Variants in PARD3B observed in about 807,000 individuals in gnomAD.
PARD3B encodes partitioning defective 3 homolog B.
In PARD3B, 103 loss-of-function variants were observed where a neutral mutation model predicts 130.2. The observed-to-expected ratio is 0.79, with a 90% CI of 0.67 to 0.93. The LOEUF (loss-of-function observed/expected upper bound fraction) is 0.93. PARD3B is among the 40% of genes least tolerant of loss of function. PARD3B has a pLI of 0.00. For synonymous variants in PARD3B, 583 were observed against 553.2 expected (o/e 1.05, Z -0.76); for missense variants, 1,609 against 1,499.2 (o/e 1.07, Z -1.21).
intron 2 of PARD3B, among the ~76,000 whole-genome samples, chr2:204,853,692 C>T (rs2044802475): frequency 6.6e-6 from 1 of 152,152 alleles, no homozygotes; most frequent in African/African-American, 2.4e-5. Context: ...TTTTTCCCCA[C>T]AGATATTAAC....
intron 4 of PARD3B, among the ~76,000 whole-genome samples, chr2:205,053,528 C>T (rs1699379980): frequency 6.6e-6 from 1 of 151,438 alleles, no homozygotes; most frequent in South Asian, 2.1e-4. Context: ...TAATCCCAAG[C>T]ACTTGAGAGG....
chr2:205,491,839 G>A lies in PARD3B; in HGVS notation c.3045-8057G>A, dbSNP rs112969686. Reference sequence around the variant, plus strand: ...TCAGGTTGCCATGGTGAGGTCGGGAGCCCAGATAAGCCAAGCCAAGTTGTC... The same window carrying A: ...TCAGGTTGCCATGGTGAGGTCGGGAACCCAGATAAGCCAAGCCAAGTTGTC... On this transcript the variant is annotated intron_variant, in intron 20 of 22. Coordinates refer to ENST00000406610, the MANE Select transcript of PARD3B (RefSeq NM_001302769.2). Among the ~76,000 whole-genome samples, 130 of 152,296 alleles carry A rather than the reference G, an allele frequency of 8.5e-4. 1 individual carries two copies. The highest frequency in any genetic ancestry group is 3.4e-3 in the Middle Eastern group (1 of 294).
intron 1 of PARD3B, among the ~76,000 whole-genome samples, chr2:204,593,505 C>T (rs902901661): frequency 1.3e-5 from 2 of 152,112 alleles, no homozygotes; most frequent in Admixed American, 6.6e-5. Flanking sequence ...GGCAAATTTT[C>T]GAATAGTTTG....
intron 3 of PARD3B, among the ~76,000 whole-genome samples, chr2:204,966,125 A>G (rs1026687185): frequency 1.3e-5 from 2 of 152,198 alleles, no homozygotes; most frequent in Non-Finnish European, 2.9e-5. Context: ...TCAGCTTCTT[A>G]TTCTTTTTAA....
Position 205,598,883 on chromosome 2 carries a change from AT to A in PARD3B, c.3261-16571del, listed in dbSNP as rs1370213237. Among the ~76,000 whole-genome samples, 9 of 152,328 alleles carry A rather than the reference AT, an allele frequency of 5.9e-5. No homozygotes were observed. In the South Asian group the frequency reaches 1.9e-3, roughly 32 times the overall value. ...GAATGACTTTTAGGTAAAGAATGAA[AT>A]TAAGGCAGAAATCAAAAAATTCTTT... On this transcript the variant is annotated intron_variant, in intron 22 of 22. Transcript: ENST00000406610.
chr2:205,402,356 T>G (rs569501373), intron 19 of PARD3B, among the ~76,000 whole-genome samples: 1 of 152,310 alleles, frequency 6.6e-6, no homozygotes, highest in Admixed American at 6.5e-5. Flanking sequence ...GGCTGAGATT[T>G]TAATGCATAT....
intron 19 of PARD3B, among the ~76,000 whole-genome samples, chr2:205,431,547 G>A (rs918916415): frequency 4.6e-5 from 7 of 151,384 alleles, no homozygotes; most frequent in African/African-American, 1.2e-4. Flanking sequence ...TCTGCTCACC[G>A]CAAGCTCTGC....
At chr2:204,810,421 C>A (rs1306342050) in intron 2 of PARD3B, among the ~76,000 whole-genome samples, 3 of 152,104 alleles carry the variant, frequency 2.0e-5, no homozygotes, top group Non-Finnish European at 4.4e-5. Flanking sequence ...TATGTCCCTA[C>A]AATACCTAGT....
chr2:205,396,949 C>A (rs559546172), intron 18 of PARD3B, among the ~76,000 whole-genome samples: 1 of 152,220 alleles, frequency 6.6e-6, no homozygotes, highest in South Asian at 2.1e-4. Context: ...GAAATGATCC[C>A]CACAAAGGCT....
At chr2:204,752,771 T>A (rs2040515524) in intron 2 of PARD3B, among the ~76,000 whole-genome samples, 1 of 152,170 alleles carries the variant, frequency 6.6e-6, no homozygotes, top group African/African-American at 2.4e-5. Context: ...TCCCATTCCC[T>A]GTTAACATCT....
chr2:205,154,221 C>A (rs2033958950), intron 10 of PARD3B, among the ~76,000 whole-genome samples: 1 of 152,162 alleles, frequency 6.6e-6, no homozygotes, highest in African/African-American at 2.4e-5. Context: ...GCAACCCCAT[C>A]CAAAAGTGGG....
intron 2 of PARD3B, among the ~76,000 whole-genome samples, chr2:204,844,747 T>C (rs2044395968): frequency 6.6e-6 from 1 of 152,162 alleles, no homozygotes; most frequent in Non-Finnish European, 1.5e-5. Flanking sequence ...CATTAAATTA[T>C]TTGTGAGATA....
intron 7 of PARD3B, 86 bp downstream of exon 7, chr2:205,119,132 A>C: frequency 6.9e-7 from 1 of 1,444,756 alleles, no homozygotes; most frequent in Non-Finnish European, 9.2e-7. Context: ...TCAAAATAGT[A>C]GGTAGAATTT....
At chr2:204,562,372 A>G (rs938283190) in intron 1 of PARD3B, among the ~76,000 whole-genome samples, 10 of 152,214 alleles carry the variant, frequency 6.6e-5, no homozygotes, top group Non-Finnish European at 1.3e-4. Flanking sequence ...AGCTTCTAAA[A>G]TGAACTTAAA....
chr2:205,332,029 C>T (rs555110295), intron 18 of PARD3B, among the ~76,000 whole-genome samples: 13 of 151,930 alleles, frequency 8.6e-5, no homozygotes, highest in African/African-American at 2.7e-4. Context: ...CGCGTGAACC[C>T]GGGAGGTGGA....
intron 20 of PARD3B, among the ~76,000 whole-genome samples, chr2:205,488,980 C>G (rs1228454634): frequency 6.6e-6 from 1 of 152,132 alleles, no homozygotes; most frequent in Non-Finnish European, 1.5e-5. Flanking sequence ...CATTTTTTAA[C>G]AGAAGACACA....
At chr2:205,056,181 T>C (rs1013111134) in intron 4 of PARD3B, among the ~76,000 whole-genome samples, 4 of 151,810 alleles carry the variant, frequency 2.6e-5, no homozygotes, top group Non-Finnish European at 5.9e-5. Context: ...ATGGTGTGAT[T>C]CATAGAACTC....
chr2:205,133,405 G>A (rs1025257846), intron 10 of PARD3B, among the ~76,000 whole-genome samples: 2 of 152,190 alleles, frequency 1.3e-5, no homozygotes, highest in African/African-American at 4.8e-5. Flanking sequence ...GATTTGGTAA[G>A]CATGCAGATT....
intron 19 of PARD3B, among the ~76,000 whole-genome samples, chr2:205,437,838 G>T (rs2047570640): frequency 6.6e-6 from 1 of 152,078 alleles, no homozygotes. Flanking sequence ...AATAAAAAAG[G>T]GTATCTTTTG....
Sources: gnomAD v4.1 joint callset for allele counts (sites outside exome capture counted in the v4.1 genomes callset) on GRCh38, gnomAD v4.1.1 for gene constraint, MANE v1.5 for transcripts, NCBI Gene and HGNC (gene_info 2026-07-23, HGNC 2026-07-21) for gene names.